AK2: variants seen among roughly 807,000 people sequenced by gnomAD.
AK2 encodes adenylate kinase 2, mitochondrial.
A neutral mutation model predicts 24.6 loss-of-function variants in AK2; 15 were observed. The observed-to-expected ratio is 0.61, with a 90% confidence interval of 0.41 to 0.94. The LOEUF is 0.94. Ranked by LOEUF, AK2 falls within the 40% of genes least tolerant of loss-of-function variation. The pLI, the probability that AK2 is intolerant of heterozygous loss-of-function variation, is 0.00. For missense variants in AK2, 257 were observed against 304.1 expected (o/e 0.85, Z 1.15); for synonymous variants, 102 against 114.0 (o/e 0.90, Z 0.67).
intron 1 of AK2, among the ~76,000 whole-genome samples, chr1:33,026,725 T>C (rs577697959): frequency 3.9e-4 from 60 of 152,112 alleles, no homozygotes; most frequent in African/African-American, 1.4e-3. Context: ...GGGGAATCGC[T>C]TGAACCCAGG....
chr1:33,014,549 G>A lies in AK2; in HGVS notation c.471C>T (p.Asn157=), dbSNP rs146442876. 62 of 1,612,624 alleles carry A rather than the reference G, an allele frequency of 3.8e-5. No homozygotes were observed. The highest frequency in any genetic ancestry group is 5.2e-5 in the Non-Finnish European group (61 of 1,179,120). ...CATCTTTCATGGGCTCTTTTGGAGG[G>A]TTGAACTCCTCGTGGTAGGAACGGC... ...KSGRSYHEEF[N]PPKEPMKDDI... is the part of the protein sequence containing the mutation. Residue 157 remains asparagine (N), a synonymous_variant, in exon 5 of 6, where the codon AAC becomes AAT. Transcript: ENST00000672715.
rs1317326623 is a variant in AK2, at chr1:33,010,334, C to T, written c.*2847G>A. ...CTATGAATACACCTTACATCTCTTT[C>T]AAATGTGGAGATGGTTTTTTGATCT... On this transcript the variant is annotated 3_prime_UTR_variant, in exon 6 of 6. Coordinates refer to ENST00000672715, the MANE Select transcript of AK2 (RefSeq NM_001625.4). 2.2e-6 allele frequency: 1 copy of T among 459,072 alleles called. No individual in the cohort carries two copies. Among genetic ancestry groups the T allele is most frequent in the South Asian group, 1.5e-5 (1 of 64,526 alleles). 28.4% of individuals were successfully genotyped at this position (459,072 alleles called of 1,614,324 possible).
rs1198878427 is a variant in AK2 at position 33,012,670 on chromosome 1, G to A, written c.*511C>T. The A allele has an allele frequency of 1.6e-6, 2 of 1,266,028 alleles. No homozygotes were observed. Among genetic ancestry groups the A allele is most frequent in the Non-Finnish European group, 2.1e-6 (2 of 969,414 alleles). 78.4% of individuals were successfully genotyped at this position (1,266,028 alleles called of 1,614,324 possible). A position where few individuals can be genotyped will look rare whatever the true frequency, so the allele number is the denominator to read the frequency against. Reference sequence around the variant, plus strand: ...CTGGCACTTCAGGAGGCCAAGGTGGGTGGATTGCTTAAGCCTAGGAGTTCA... The same window carrying A: ...CTGGCACTTCAGGAGGCCAAGGTGGATGGATTGCTTAAGCCTAGGAGTTCA... On this transcript the variant is annotated 3_prime_UTR_variant, in exon 6 of 6. Coordinates refer to ENST00000672715, the MANE Select transcript of AK2 (RefSeq NM_001625.4).
intron 1 of AK2, among the ~76,000 whole-genome samples, chr1:33,026,601 G>GA (rs1182816544): frequency 6.6e-6 from 1 of 151,956 alleles, no homozygotes; most frequent in Non-Finnish European, 1.5e-5. Context: ...AAGGTCAGGA[G>GA]ATTGAGACCA....
chr1:33,024,506 G>T lies in AK2; in HGVS notation c.155C>A (p.Ala52Asp). 3.7e-6 allele frequency: 6 copies of T among 1,614,138 alleles called. No homozygotes were observed. Among genetic ancestry groups the T allele is most frequent in the Non-Finnish European group, 5.1e-6 (6 of 1,180,016 alleles). ...TAGCTCTGAGCCAGAAGCCACCATG[G>T]CCCTCAGCATGTCCCCAGTAGCTAA... Reference protein sequence around the residue: ...CHLATGDMLRAMVASGSELGK... With the variant: ...CHLATGDMLRDMVASGSELGK... Residue 52 changes from alanine to aspartate, a missense_variant, in exon 2 of 6, where the codon GCC (alanine) becomes GAC (aspartate). Transcript: ENST00000672715.
chr1:33,030,819 G>C (rs897381377), intron 1 of AK2, among the ~76,000 whole-genome samples: 1 of 152,236 alleles, frequency 6.6e-6, no homozygotes, highest in Non-Finnish European at 1.5e-5. Flanking sequence ...CTAGCTCTTA[G>C]CCATGACACT....
intron 4 of AK2, among the ~76,000 whole-genome samples, chr1:33,017,735 C>T (rs1315434893): frequency 1.3e-5 from 2 of 152,178 alleles, no homozygotes; most frequent in Admixed American, 1.3e-4. Context: ...TCTACAATCA[C>T]TGCTACCGTG....
rs1288078547 is a variant in AK2 at position 33,009,289 on chromosome 1, GA to G, written c.*3891del. ...AAAAACATGAGAGCTTTAGTTTGGA[GA>G]AATTATTTAAGCTCACTTTTGCTGG... On this transcript the variant is annotated 3_prime_UTR_variant, in exon 6 of 6. Coordinates refer to ENST00000672715, the MANE Select transcript of AK2 (RefSeq NM_001625.4). The G allele has an allele frequency of 4.4e-6, 2 of 454,138 alleles. No homozygotes were observed. Among genetic ancestry groups the G allele is most frequent in the Admixed American group, 4.7e-5 (2 of 42,578 alleles). 28.1% of individuals were successfully genotyped at this position (454,138 alleles called of 1,614,324 possible).
chr1:33,036,751 G>C lies in AK2; in HGVS notation c.78C>G (p.Ala26=). Residue 26 remains alanine, a synonymous_variant, in exon 1 of 6, where the codon GCC becomes GCG. Transcript: ENST00000672715. ...IRAVLLGPPG[A]GKGTQAPRLA... ...TGCCGCTCACCTGGGTCCCTTTACC[G>C]GCCCCGGGAGGCCCCAGCAGCACGG... 6.3e-7 allele frequency: 1 copy of C among 1,592,150 alleles called. No homozygotes were observed. Among genetic ancestry groups the C allele is most frequent in the Non-Finnish European group, 8.6e-7 (1 of 1,169,168 alleles).
chr1:33,009,337 G>C lies in AK2; in HGVS notation c.*3844C>G. The C allele has an allele frequency of 2.2e-6, 1 of 454,074 alleles. No individual in the cohort carries two copies. Among genetic ancestry groups the C allele is most frequent in the South Asian group, 1.6e-5 (1 of 64,478 alleles). 28.1% of individuals were successfully genotyped at this position (454,074 alleles called of 1,614,324 possible). A position where few individuals can be genotyped will look rare whatever the true frequency, so the allele number is the denominator to read the frequency against. ...CTGGAGAGGAAATGAATTTAAACTA[G>C]GACACACAGAGAAGCAACAAAGAGT... On this transcript the variant is annotated 3_prime_UTR_variant, in exon 6 of 6. Coordinates refer to ENST00000672715, the MANE Select transcript of AK2 (RefSeq NM_001625.4).
Position 33,014,231 on chromosome 1 carries a change from G to A in AK2, c.498+291C>T, listed in dbSNP as rs142769529. 41 of 365,216 alleles carry A rather than the reference G, an allele frequency of 1.1e-4. No homozygotes were observed. The East Asian group carries it at 2.4e-3, about 21-fold the overall frequency. The allele number at this position is 365,216 out of a possible 1,614,324, so 22.6% of individuals were successfully genotyped here. A position where few individuals can be genotyped will look rare whatever the true frequency, so the allele number is the denominator to read the frequency against. ...CTCCTGATTAGCTGATCACTTAGGT[G>A]GCCATGATGCCAGAAAAGGGGCTGC... On this transcript the variant is annotated intron_variant, in intron 5 of 5. Coordinates refer to ENST00000672715, the MANE Select transcript of AK2 (RefSeq NM_001625.4).
chr1:33,023,661 AACAGCAC>A (rs1639690663), intron 2 of AK2, among the ~76,000 whole-genome samples: 1 of 152,162 alleles, frequency 6.6e-6, no homozygotes, highest in South Asian at 2.1e-4. Flanking sequence ...TTGTTACAGA[AACAGCAC>A]ACAGAGCCAT....
intron 4 of AK2, chr1:33,019,854 A>G: frequency 8.0e-7 from 1 of 1,256,670 alleles, no homozygotes; most frequent in Non-Finnish European, 1.0e-6. Flanking sequence ...TAAGTAAACA[A>G]TGGTTAACCT....
At position 33,036,785 on chromosome 1, in the gene AK2, C is replaced by T. The variant is rs765584905; in HGVS notation, c.44G>A (p.Gly15Asp). 5 of 1,600,274 alleles carry T rather than the reference C, an allele frequency of 3.1e-6. No homozygotes were observed. The highest frequency in any genetic ancestry group is 2.7e-5 in the African/African-American group (2 of 74,702). Residue 15 changes from glycine (G) to aspartate (D), a missense_variant, in exon 1 of 6, where the codon GGC (glycine) becomes GAC (aspartate). By Grantham distance (94) the Gly-to-Asp change is moderately conservative. Transcript: ENST00000672715. ...AGGCCCCAGCAGCACGGCCCGGATG[C>T]CTTTAGGATACTCGGGTTCTGCCGC... is the stretch of plus-strand genomic sequence containing the variant. ...VPAAEPEYPK[G>D]IRAVLLGPPG...
chr1:33,020,922 G>A (rs1270784028), intron 4 of AK2, among the ~76,000 whole-genome samples: 2 of 151,630 alleles, frequency 1.3e-5, no homozygotes, highest in Non-Finnish European at 2.9e-5. Flanking sequence ...CGAGGCAGGC[G>A]GATCACTTGA....
At chr1:33,036,684 T>C in intron 1 of AK2, 52 bp downstream of exon 1, 1 of 1,509,332 alleles carries the variant, frequency 6.6e-7, no homozygotes, top group Non-Finnish European at 9.0e-7. Flanking sequence ...TCCGGCCGCC[T>C]TGACCTTGGA....
intron 4 of AK2, among the ~76,000 whole-genome samples, chr1:33,019,364 A>T (rs560138478): frequency 6.6e-6 from 1 of 152,316 alleles, no homozygotes; most frequent in East Asian, 1.9e-4. Flanking sequence ...AAAGGTCTCC[A>T]GTATCACCTG....
chr1:33,028,182 C>T (rs762205058), intron 1 of AK2, among the ~76,000 whole-genome samples: 2 of 152,128 alleles, frequency 1.3e-5, no homozygotes, highest in Non-Finnish European at 2.9e-5. Flanking sequence ...CATTCACAGA[C>T]TCTAAATCAC....
rs757757793 is a variant in AK2, at chr1:33,024,441, C to T, written c.219+1G>A. The T allele has an allele frequency of 1.2e-6, 2 of 1,613,932 alleles. No homozygotes were observed. Among genetic ancestry groups the T allele is most frequent in the Non-Finnish European group, 1.7e-6 (2 of 1,180,014 alleles). The stretch of plus-strand genomic sequence containing the variant: ...ACACTCATTGGTACCACCAAACCTA[C>T]CAGTTTCCCAGCATCCATAGTTGCC... On this transcript the variant is annotated splice_donor_variant, in intron 2 of 5. Transcript: ENST00000672715. LOFTEE classifies it high-confidence loss of function.
Sources: gnomAD v4.1 joint callset for allele counts (sites outside exome capture counted in the v4.1 genomes callset) on GRCh38, gnomAD v4.1.1 for gene constraint, MANE v1.5 for transcripts, NCBI Gene and HGNC (gene_info 2026-07-23, HGNC 2026-07-21) for gene names.